Variants in RGS6 observed in about 807,000 individuals in gnomAD.
RGS6 encodes regulator of G-protein signaling 6.
RGS6 carries 30 observed loss-of-function variants against 78.5 expected under a neutral mutation model. The observed-to-expected ratio is 0.38, with a 90% CI of 0.29 to 0.52. RGS6 has a LOEUF of 0.52. Among genes scored for constraint, RGS6 ranks in the 20% least tolerant of loss-of-function variants. The pLI, the probability that RGS6 is intolerant of heterozygous loss-of-function variation, is 0.85. For synonymous variants in RGS6, 206 were observed against 206.0 expected (o/e 1.00, Z 0.00); for missense variants, 495 against 609.7 (o/e 0.81, Z 1.98).
intron 3 of RGS6, among the ~76,000 whole-genome samples, chr14:72,451,267 A>G (rs1235688212): frequency 6.6e-6 from 1 of 152,240 alleles, no homozygotes; most frequent in Non-Finnish European, 1.5e-5. Flanking sequence ...TGGCTGAACC[A>G]GGGAAAAGAA....
At chr14:72,127,571 G>A in intron 2 of RGS6, among the ~76,000 whole-genome samples, 1 of 152,094 alleles carries the variant, frequency 6.6e-6, no homozygotes, top group South Asian at 2.1e-4. Context: ...TAAAGTTTCA[G>A]TAGAGTTTTA....
chr14:72,001,145 G>A (rs2083344832), intron 2 of RGS6, among the ~76,000 whole-genome samples: 1 of 152,158 alleles, frequency 6.6e-6, no homozygotes, highest in Non-Finnish European at 1.5e-5. Context: ...ACAAGTGTGT[G>A]CAGTTGTTAA....
In RGS6 at chr14:72,061,917, C is replaced by G. The variant is rs188539651; in HGVS notation, c.84+97042C>G. Among the ~76,000 whole-genome samples, 724 of 152,300 alleles carry G rather than the reference C, an allele frequency of 4.8e-3. 6 individuals carry two copies. The highest frequency in any genetic ancestry group is 6.1e-3 in the Non-Finnish European group (412 of 68,028). On this transcript the variant is annotated intron_variant, in intron 2 of 17. Coordinates refer to ENST00000553525, the MANE Select transcript of RGS6 (RefSeq NM_001204424.2). ...ACATTTATTGGGCATTTGGTATAAA[C>G]CAGGCATAGCTCTCAATGCTGCTGG...
chr14:72,511,183 T>G (rs568197839), intron 14 of RGS6, among the ~76,000 whole-genome samples: 9 of 152,350 alleles, frequency 5.9e-5, no homozygotes, highest in African/African-American at 2.2e-4. Flanking sequence ...CTTTCTTTTT[T>G]CTTTGTACCA....
chr14:72,039,117 G>A (rs899314999), intron 2 of RGS6, among the ~76,000 whole-genome samples: 3 of 152,144 alleles, frequency 2.0e-5, no homozygotes, highest in Non-Finnish European at 4.4e-5. Context: ...AAAAGAGGGA[G>A]TAGATGAAAA....
intron 2 of RGS6, among the ~76,000 whole-genome samples, chr14:72,152,957 C>T (rs2096715486): frequency 6.6e-6 from 1 of 152,126 alleles, no homozygotes; most frequent in Admixed American, 6.5e-5. Flanking sequence ...GTGCTTCCTG[C>T]CTCACAGACT....
intron 2 of RGS6, among the ~76,000 whole-genome samples, chr14:72,237,382 A>G (rs544660614): frequency 6.6e-6 from 1 of 152,148 alleles, no homozygotes; most frequent in African/African-American, 2.4e-5. Context: ...ATGTAGTCTT[A>G]GCACAGAGTC....
intron 2 of RGS6, among the ~76,000 whole-genome samples, chr14:72,098,538 G>A (rs559761068): frequency 2.0e-4 from 30 of 152,274 alleles, no homozygotes; most frequent in African/African-American, 7.0e-4. Context: ...TCAGAGCTTG[G>A]ACCAAATTTT....
At chr14:72,348,644 A>T (rs2152721741) in intron 2 of RGS6, among the ~76,000 whole-genome samples, 1 of 152,358 alleles carries the variant, frequency 6.6e-6, no homozygotes, top group South Asian at 2.1e-4. Context: ...CTGAAATAGT[A>T]TATATAGTCC....
intron 2 of RGS6, among the ~76,000 whole-genome samples, chr14:72,169,287 A>C (rs976145992): frequency 6.6e-6 from 1 of 152,204 alleles, no homozygotes; most frequent in Non-Finnish European, 1.5e-5. Flanking sequence ...AAAAAGTGCT[A>C]TGTGTGTTAG....
Position 72,376,012 on chromosome 14 carries a change from AC to A in RGS6, c.184+23822del, listed in dbSNP as rs2084623117. Among the ~76,000 whole-genome samples, 3 of 152,196 alleles carry A rather than the reference AC, an allele frequency of 2.0e-5. No homozygotes were observed. In the South Asian group the frequency reaches 6.2e-4, roughly 32 times the overall value. On this transcript the variant is annotated intron_variant, in intron 3 of 17. Transcript: ENST00000553525. The stretch of plus-strand genomic sequence containing the variant: ...GAACACAATAATTCCCTAGTAATAA[AC>A]CCCAATCATAAGGAAATAAATGAAA...
chr14:71,956,601 C>G lies in RGS6; in HGVS notation c.-20-8171C>G, dbSNP rs116134518. ...AGGCTGGGAGGCTAGGTCAGTCTCACCTTTTCATGTTTCTCTGACTGCTTT... is the reference window on the plus strand; with the variant it reads ...AGGCTGGGAGGCTAGGTCAGTCTCAGCTTTTCATGTTTCTCTGACTGCTTT... On this transcript the variant is annotated intron_variant, in intron 1 of 17. Coordinates refer to ENST00000553525, the MANE Select transcript of RGS6 (RefSeq NM_001204424.2). 1.3e-3 allele frequency among the ~76,000 whole-genome samples: 196 copies of G among 152,154 alleles called. 1 individual carries two copies. The highest frequency in any genetic ancestry group is 4.7e-3 in the African/African-American group (194 of 41,496).
At chr14:72,320,861 C>T (rs2071766657) in intron 2 of RGS6, among the ~76,000 whole-genome samples, 1 of 149,976 alleles carries the variant, frequency 6.7e-6, no homozygotes, top group Non-Finnish European at 1.5e-5. Flanking sequence ...TTTAAATATA[C>T]TTAGCATACT....
chr14:72,489,725 A>AGGTGAGAC (rs1566968597), intron 12 of RGS6, among the ~76,000 whole-genome samples: 75 of 151,228 alleles, frequency 5.0e-4, no homozygotes, highest in African/African-American at 1.6e-3. Context: ...AAAGGAAAGG[A>AGGTGAGAC]GAGGCAAGGC....
intron 17 of RGS6, among the ~76,000 whole-genome samples, chr14:72,557,674 G>A (rs977108645): frequency 1.3e-5 from 2 of 152,158 alleles, no homozygotes; most frequent in African/African-American, 4.8e-5. Flanking sequence ...CTCTCTCTGG[G>A]GCCTCCACTT....
At chr14:72,369,398 C>T (rs1338747150) in intron 3 of RGS6, among the ~76,000 whole-genome samples, 1 of 152,182 alleles carries the variant, frequency 6.6e-6, no homozygotes, top group Non-Finnish European at 1.5e-5. Flanking sequence ...GTGAAACCAA[C>T]TGTGGACTTC....
chr14:72,612,042 C>G, the RGS6 span, among the ~76,000 whole-genome samples: 1 of 152,166 alleles, frequency 6.6e-6, no homozygotes, highest in African/African-American at 2.4e-5. Context: ...CGCACACAGT[C>G]GATGCCCTGC....
intron 1 of RGS6, among the ~76,000 whole-genome samples, chr14:71,959,061 G>A (rs868578066): frequency 2.0e-5 from 3 of 152,148 alleles, no homozygotes; most frequent in African/African-American, 7.2e-5. Context: ...TGCTATTGCC[G>A]TACTTTAAGA....
At chr14:72,362,828 G>A (rs1209636847) in intron 3 of RGS6, among the ~76,000 whole-genome samples, 1 of 152,042 alleles carries the variant, frequency 6.6e-6, no homozygotes, top group Non-Finnish European at 1.5e-5. Context: ...TTGACATTGG[G>A]AGACACGATT....
Sources: gnomAD v4.1 joint callset for allele counts (sites outside exome capture counted in the v4.1 genomes callset) on GRCh38, gnomAD v4.1.1 for gene constraint, MANE v1.5 for transcripts, NCBI Gene and HGNC (gene_info 2026-07-23, HGNC 2026-07-21) for gene names.